The following MED27 variants were observed in gnomAD, a reference collection of about 807,000 sequenced individuals.
MED27 encodes mediator of RNA polymerase II transcription subunit 27.
In MED27, 30 loss-of-function variants were observed where a neutral mutation model predicts 38.2. The ratio of observed to expected loss-of-function variants is 0.79; its 90% CI spans 0.59 to 1.07. The LOEUF (loss-of-function observed/expected upper bound fraction) is 1.07. MED27 is among the 50% of genes least tolerant of loss of function. The pLI is 0.00. For missense variants in MED27, 289 were observed against 397.5 expected (o/e 0.73, Z 2.32); for synonymous variants, 122 against 153.5 (o/e 0.79, Z 1.52).
intron 2 of MED27, among the ~76,000 whole-genome samples, chr9:132,064,237 T>C (rs1342670632): frequency 6.6e-6 from 1 of 151,996 alleles, no homozygotes; most frequent in East Asian, 1.9e-4. Context: ...ACCAAGAGAA[T>C]ACAGAGCATC....
chr9:132,058,872 C>T (rs1209302473), intron 2 of MED27, among the ~76,000 whole-genome samples: 1 of 152,232 alleles, frequency 6.6e-6, no homozygotes, highest in African/African-American at 2.4e-5. Flanking sequence ...GTCACAGTGT[C>T]TGAAAATTAC....
At chr9:132,000,725 A>C (rs1480388999) in intron 3 of MED27, among the ~76,000 whole-genome samples, 2 of 151,890 alleles carry the variant, frequency 1.3e-5, no homozygotes, top group Non-Finnish European at 2.9e-5. Context: ...GACTATGCTG[A>C]GTAGAAAAGT....
At chr9:131,946,211 A>G (rs1417417903) in intron 3 of MED27, among the ~76,000 whole-genome samples, 2 of 152,184 alleles carry the variant, frequency 1.3e-5, no homozygotes, top group Non-Finnish European at 2.9e-5. Context: ...CAATGAACAT[A>G]GGGATGTGGA....
chr9:131,979,605 A>G (rs1003124337), intron 3 of MED27, among the ~76,000 whole-genome samples: 7 of 152,092 alleles, frequency 4.6e-5, no homozygotes, highest in Non-Finnish European at 8.8e-5. Context: ...GGCCTGGAAT[A>G]TGGCAGGTGC....
At chr9:132,033,768 A>G (rs1397022235) in intron 2 of MED27, among the ~76,000 whole-genome samples, 1 of 152,154 alleles carries the variant, frequency 6.6e-6, no homozygotes, top group Non-Finnish European at 1.5e-5. Context: ...TCCAGATTCT[A>G]TTTCGCATAA....
chr9:131,972,914 T>C (rs1376353243), intron 3 of MED27, among the ~76,000 whole-genome samples: 1 of 152,196 alleles, frequency 6.6e-6, no homozygotes, highest in Non-Finnish European at 1.5e-5. Flanking sequence ...CCAGGTGTGA[T>C]GGTGTGCACC....
At chr9:132,071,675 T>G (rs562959545) in intron 2 of MED27, among the ~76,000 whole-genome samples, 1 of 151,308 alleles carries the variant, frequency 6.6e-6, no homozygotes, top group East Asian at 2.0e-4. Context: ...GCCCCATGAA[T>G]GAGCACACGT....
At chr9:132,014,527 A>G in intron 2 of MED27, 60 bp from the exon 3 acceptor site, 1 of 1,555,746 alleles carries the variant, frequency 6.4e-7, no homozygotes, top group Non-Finnish European at 8.8e-7. Flanking sequence ...AGTAGGACAA[A>G]TGGTATTAAA....
intron 6 of MED27, among the ~76,000 whole-genome samples, chr9:131,880,388 A>C (rs925231405): frequency 6.6e-6 from 1 of 152,246 alleles, no homozygotes; most frequent in Admixed American, 6.5e-5. Context: ...GTCCCTGAAA[A>C]AAAAGGACTT....
chr9:131,866,758 T>C (rs962351022), intron 6 of MED27, among the ~76,000 whole-genome samples: 6 of 152,198 alleles, frequency 3.9e-5, no homozygotes, highest in African/African-American at 1.4e-4. Flanking sequence ...ACATGAGTGA[T>C]TGCCATCGTT....
In MED27 at chr9:131,939,478, C is replaced by A. The variant is rs775934222; in HGVS notation, c.480-4G>T. 5.7e-6 allele frequency: 9 copies of A among 1,591,562 alleles called. No individual in the cohort carries two copies. In the Admixed American group the frequency reaches 1.1e-4, roughly 19 times the overall value. ...GCTGATCACATCATCAACATATCTA[C>A]ATGGGAAAAAAATAAACATGTGTGA... is the stretch of plus-strand genomic sequence containing the variant. On this transcript the variant is annotated splice_region_variant and splice_polypyrimidine_tract_variant and intron_variant, in intron 3 of 7. Coordinates refer to ENST00000292035, the MANE Select transcript of MED27 (RefSeq NM_004269.4).
At chr9:131,885,702 A>G (rs762231862) in intron 5 of MED27, among the ~76,000 whole-genome samples, 6 of 152,208 alleles carry the variant, frequency 3.9e-5, no homozygotes, top group Non-Finnish European at 5.9e-5. Flanking sequence ...TACCAAATCA[A>G]TCCCTTCTGT....
At chr9:132,060,848 C>T (rs1833682648) in intron 2 of MED27, among the ~76,000 whole-genome samples, 1 of 152,144 alleles carries the variant, frequency 6.6e-6, no homozygotes, top group Non-Finnish European at 1.5e-5. Flanking sequence ...ACTTGGGAGG[C>T]TGAGGCAGGA....
chr9:131,942,839 G>A (rs1830812488), intron 3 of MED27, among the ~76,000 whole-genome samples: 1 of 152,176 alleles, frequency 6.6e-6, no homozygotes, highest in African/African-American at 2.4e-5. Flanking sequence ...CTTGCTTTTA[G>A]TAAGGGCCAG....
intron 1 of MED27, 81 bp from the exon 2 acceptor site, chr9:132,077,667 G>A (rs1297229675): frequency 1.4e-6 from 2 of 1,439,416 alleles, no homozygotes; most frequent in East Asian, 2.4e-5. Flanking sequence ...ATCAAAGACT[G>A]CTCTTCAAAC....
intron 5 of MED27, among the ~76,000 whole-genome samples, chr9:131,892,461 T>A (rs1453627733): frequency 6.6e-6 from 1 of 152,202 alleles, no homozygotes; most frequent in Non-Finnish European, 1.5e-5. Flanking sequence ...ATGATCTCAA[T>A]TCAGAGCATG....
At position 132,061,021 on chromosome 9, in the gene MED27, A is replaced by G. The variant is rs12347356; in HGVS notation, c.348+16421T>C. ...GTCTACAAGTTTTAAGTTTCTTTTC[A>G]TCTCCTGTCACCCTACAAGTAGCTC... On this transcript the variant is annotated intron_variant, in intron 2 of 7. Coordinates refer to ENST00000292035, the MANE Select transcript of MED27 (RefSeq NM_004269.4). Among the ~76,000 whole-genome samples, 577 of 152,248 alleles carry G rather than the reference A, an allele frequency of 3.8e-3. 4 individuals carry two copies. Among genetic ancestry groups the G allele is most frequent in the African/African-American group, 0.013 (553 of 41,548 alleles).
At chr9:132,075,227 C>A (rs1397338924) in intron 2 of MED27, among the ~76,000 whole-genome samples, 1 of 152,070 alleles carries the variant, frequency 6.6e-6, no homozygotes, top group Non-Finnish European at 1.5e-5. Context: ...AACATTGAAC[C>A]AGGTCAGGAA....
At chr9:131,945,922 T>G (rs1296222744) in intron 3 of MED27, among the ~76,000 whole-genome samples, 1 of 151,000 alleles carries the variant, frequency 6.6e-6, no homozygotes, top group Non-Finnish European at 1.5e-5. Context: ...GAGCCATGAT[T>G]GTGAGACTGC....
Sources: gnomAD v4.1 joint callset for allele counts (sites outside exome capture counted in the v4.1 genomes callset) on GRCh38, gnomAD v4.1.1 for gene constraint, MANE v1.5 for transcripts, NCBI Gene and HGNC (gene_info 2026-07-23, HGNC 2026-07-21) for gene names.